Variants in ZFHX3 observed in about 807,000 individuals in gnomAD.
ZFHX3 encodes the protein zinc finger homeobox 3.
In ZFHX3, 42 loss-of-function variants were observed where a neutral mutation model predicts 279.1. The observed-to-expected ratio is 0.15, with a 90% confidence interval of 0.12 to 0.19. The LOEUF (loss-of-function observed/expected upper bound fraction) is 0.19. ZFHX3 is among the 10% of genes least tolerant of loss of function. ZFHX3 has a pLI of 1.00. For synonymous variants in ZFHX3, 2,293 were observed against 1,957.8 expected (o/e 1.17, Z -4.52); for missense variants, 4,981 against 4,754.0 (o/e 1.05, Z -1.40).
chr16:73,049,812 G>A (rs1965416195), upstream of ZFHX3, among the ~76,000 whole-genome samples: 1 of 152,096 alleles, frequency 6.6e-6, no homozygotes, highest in Admixed American at 6.5e-5. Flanking sequence ...CTGACTTCAG[G>A]CCCAAGAACA....
At chr16:73,838,027 T>C (rs913854404) in intron 1 of ZFHX3, among the ~76,000 whole-genome samples, 6 of 152,230 alleles carry the variant, frequency 3.9e-5, no homozygotes, top group Non-Finnish European at 8.8e-5. Context: ...CTGCCACACA[T>C]AATCGGACAT....
intron 1 of ZFHX3, among the ~76,000 whole-genome samples, chr16:72,966,555 T>C (rs1216809776): frequency 6.6e-6 from 1 of 152,194 alleles, no homozygotes; most frequent in Non-Finnish European, 1.5e-5. Flanking sequence ...CCACAGCCCA[T>C]CACTTTCTCT....
At chr16:73,301,939 C>A (rs2015065800) in intron 4 of ZFHX3, among the ~76,000 whole-genome samples, 1 of 152,092 alleles carries the variant, frequency 6.6e-6, no homozygotes, top group African/African-American at 2.4e-5. Flanking sequence ...GCTGCGGCAA[C>A]CACAAGGCCC....
chr16:73,136,677 A>C (rs1489296169), intron 6 of ZFHX3, among the ~76,000 whole-genome samples: 1 of 143,592 alleles, frequency 7.0e-6, no homozygotes, highest in Non-Finnish European at 1.5e-5. Flanking sequence ...GTGAGCTGAG[A>C]CTGCACCAAC....
At chr16:72,975,018 T>A (rs971939711) in intron 1 of ZFHX3, among the ~76,000 whole-genome samples, 7 of 152,246 alleles carry the variant, frequency 4.6e-5, no homozygotes, top group African/African-American at 1.7e-4. Context: ...TCGATTCTCT[T>A]TCTTAGGGTA....
chr16:72,854,922 A>G (rs556606539), intron 4 of ZFHX3, among the ~76,000 whole-genome samples: 1 of 89,798 alleles, frequency 1.1e-5, no homozygotes, highest in Non-Finnish European at 2.0e-5. Flanking sequence ...TAGAAATTAA[A>G]ACACAAATTG....
chr16:73,019,648 G>C (rs1049596580), intron 1 of ZFHX3, among the ~76,000 whole-genome samples: 1 of 152,188 alleles, frequency 6.6e-6, no homozygotes, highest in Non-Finnish European at 1.5e-5. Context: ...TAAAGGGCAT[G>C]AACCTGGAGA....
At chr16:72,808,772 G>A (rs1363043274) in intron 7 of ZFHX3, among the ~76,000 whole-genome samples, 1 of 152,192 alleles carries the variant, frequency 6.6e-6, no homozygotes, top group Non-Finnish European at 1.5e-5. Context: ...AGAACAGTTT[G>A]TATTGACCAG....
intron 3 of ZFHX3, among the ~76,000 whole-genome samples, chr16:73,416,669 C>T (rs924025923): frequency 4.6e-5 from 7 of 151,996 alleles, no homozygotes; most frequent in Non-Finnish European, 8.8e-5. Flanking sequence ...GTCAGGAGAT[C>T]GAGACCATCC....
intron 1 of ZFHX3, among the ~76,000 whole-genome samples, chr16:73,875,747 T>C (rs2029926509): frequency 1.3e-5 from 2 of 152,202 alleles, no homozygotes; most frequent in Admixed American, 6.5e-5. Flanking sequence ...ATGAACCGGA[T>C]TGCTTATTTT....
At chr16:73,058,611 C>T in exon 1 of ZFHX3, 1 of 235,016 alleles carries the variant, frequency 4.3e-6, no homozygotes, top group Non-Finnish European at 8.0e-6. Flanking sequence ...CGCTTTTAAT[C>T]CCGAAAAGAG....
At position 73,163,619 on chromosome 16, in the gene ZFHX3, T is replaced by C. The variant is rs576721961; in HGVS notation, c.-1103-19788A>G. On this transcript the variant is annotated intron_variant, in intron 5 of 17. Coordinates refer to the ZFHX3 transcript ENST00000641206. ...CTCTTGGAAGTGGATGATTAAATACTAAAGCAAGTGAAAGGACAATAGTAA... is the reference window on the plus strand; with the variant it reads ...CTCTTGGAAGTGGATGATTAAATACCAAAGCAAGTGAAAGGACAATAGTAA... 3.9e-5 allele frequency among the ~76,000 whole-genome samples: 6 copies of C among 152,342 alleles called. No homozygotes were observed. In the South Asian group the frequency reaches 1.2e-3, roughly 32 times the overall value.
intron 1 of ZFHX3, among the ~76,000 whole-genome samples, chr16:73,725,341 G>T (rs142484951): frequency 1.1e-3 from 172 of 152,254 alleles, no homozygotes; most frequent in African/African-American, 3.9e-3. Context: ...TGAGGCAGCA[G>T]GGAGGGAGAC....
intron 3 of ZFHX3, among the ~76,000 whole-genome samples, chr16:72,909,124 C>T (rs1448550841): frequency 6.6e-6 from 1 of 152,242 alleles, no homozygotes; most frequent in Non-Finnish European, 1.5e-5. Context: ...GAGCTGACAA[C>T]AATTGCATGA....
At chr16:73,634,607 T>C (rs1378522520) in intron 2 of ZFHX3, among the ~76,000 whole-genome samples, 1 of 152,030 alleles carries the variant, frequency 6.6e-6, no homozygotes, top group Non-Finnish European at 1.5e-5. Context: ...TTTGCACCTA[T>C]GGGTCCTCCA....
chr16:73,077,008 C>T (rs1965892757), intron 8 of ZFHX3, among the ~76,000 whole-genome samples: 1 of 152,152 alleles, frequency 6.6e-6, no homozygotes, highest in South Asian at 2.1e-4. Flanking sequence ...GGGGAATTCA[C>T]TAGCATGTCT....
At chr16:72,889,489 A>T (rs1292864854) in intron 4 of ZFHX3, among the ~76,000 whole-genome samples, 98 of 81,110 alleles carry the variant, frequency 1.2e-3, no homozygotes, top group Middle Eastern at 6.0e-3. Context: ...ATTTCCTTTA[A>T]AAAAAAAAAA....
At chr16:72,820,747 T>C (rs2036769414) in intron 5 of ZFHX3, among the ~76,000 whole-genome samples, 1 of 152,184 alleles carries the variant, frequency 6.6e-6, no homozygotes, top group South Asian at 2.1e-4. Context: ...CTGCACTTAT[T>C]ACGCTTCCCT....
intron 7 of ZFHX3, among the ~76,000 whole-genome samples, chr16:73,100,916 G>C (rs1966223311): frequency 6.6e-6 from 1 of 152,076 alleles, no homozygotes; most frequent in Non-Finnish European, 1.5e-5. Context: ...GATTCTCTAA[G>C]AAAGGATTCT....
Sources: allele counts gnomAD v4.1 joint callset (sites outside exome capture counted in the v4.1 genomes callset), GRCh38; gene constraint gnomAD v4.1.1; transcripts MANE v1.5; gene names NCBI Gene and HGNC (gene_info 2026-07-23, HGNC 2026-07-21).